CCDC186: variants seen among roughly 807,000 people sequenced by gnomAD.
CCDC186 encodes the protein coiled-coil domain-containing protein 186.
CCDC186 carries 49 observed loss-of-function variants against 113.7 expected under a neutral mutation model. That is an observed-to-expected ratio of 0.43 (90% CI 0.34 to 0.55). CCDC186 has a LOEUF of 0.55. Among genes scored for constraint, CCDC186 ranks in the 20% least tolerant of loss-of-function variants. The pLI is 0.02. For synonymous variants in CCDC186, 355 were observed against 345.8 expected (o/e 1.03, Z -0.30); for missense variants, 890 against 1,011.1 (o/e 0.88, Z 1.62).
rs1482764427 is a variant in CCDC186 at position 114,162,724 on chromosome 10, T to G, written c.545A>C (p.Asn182Thr). ...STEFAEHRVPNGMNKGEHALV... is the reference protein window; with the variant it reads ...STEFAEHRVPTGMNKGEHALV... Reference sequence around the variant, plus strand: ...TGCATGTTCTCCCTTATTCATTCCATTTGGTACTCGATGTTCTGCAAACTC... The same window carrying G: ...TGCATGTTCTCCCTTATTCATTCCAGTTGGTACTCGATGTTCTGCAAACTC... The change falls in exon 2 of 16, where the codon AAT becomes ACT. Residue 182 changes from asparagine to threonine, a missense_variant. Asn to Thr is a moderately conservative substitution (Grantham distance 65). Transcript: ENST00000369287. 6.2e-7 allele frequency: 1 copy of G among 1,613,782 alleles called. No individual in the cohort carries two copies. The highest frequency in any genetic ancestry group is 8.5e-7 in the Non-Finnish European group (1 of 1,179,902).
chr10:114,136,385 A>G lies in CCDC186; in HGVS notation c.1327-139T>C. On this transcript the variant is annotated intron_variant, in intron 7 of 15. Coordinates refer to ENST00000369287, the MANE Select transcript of CCDC186 (RefSeq NM_018017.4). ...GATAAGAGACAAGTTCTGTTTAGAA[A>G]TAACTCCAAGAACAGTTTTTTTATT... 3 of 592,716 alleles carry G rather than the reference A, an allele frequency of 5.1e-6. No homozygotes were observed. In the South Asian group the frequency reaches 7.2e-5, roughly 14 times the overall value. The allele number at this position is 592,716 out of a possible 1,614,324, so 36.7% of individuals were successfully genotyped here. A position where few individuals can be genotyped will look rare whatever the true frequency, so the allele number is the denominator to read the frequency against.
At position 114,163,158 on chromosome 10, in the gene CCDC186, T is replaced by C. The variant is rs2032230436; in HGVS notation, c.111A>G (p.Lys37=). ...ACAATAGTTTGGACTCATTTTCTAA[T>C]TTGCTGCTTTCATTGCCAGAAAACA... is the stretch of plus-strand genomic sequence containing the variant. ...CNLFSGNESS[K]LENESKLLSL... The change falls in exon 2 of 16, where the codon AAA becomes AAG. Residue 37 remains lysine (K), a synonymous_variant. Transcript: ENST00000369287. 1 of 1,613,924 alleles carries C rather than the reference T, an allele frequency of 6.2e-7. No homozygotes were observed. The highest frequency in any genetic ancestry group is 1.7e-5 in the Admixed American group (1 of 60,002).
chr10:114,157,823 AT>A, intron 2 of CCDC186, 143 bp from the exon 3 acceptor site: 1 of 661,890 alleles, frequency 1.5e-6, no homozygotes, highest in Non-Finnish European at 2.3e-6. Flanking sequence ...CTAAATAATC[AT>A]TTTATAGTGA....
In CCDC186 at chr10:114,153,200, G is replaced by C. The variant is rs546798821; in HGVS notation, c.760-1980C>G. On this transcript the variant is annotated intron_variant, in intron 3 of 15. Coordinates refer to ENST00000369287, the MANE Select transcript of CCDC186 (RefSeq NM_018017.4). The stretch of plus-strand genomic sequence containing the variant: ...GCACATGGAATATTCCATGACAGAG[G>C]ATATGCTAGGTTACAAACAAACTTC... Among the ~76,000 whole-genome samples, 9 of 152,194 alleles carry C rather than the reference G, an allele frequency of 5.9e-5. No homozygotes were observed. In the East Asian group the frequency reaches 1.3e-3, roughly 23 times the overall value.
chr10:114,134,801 G>C (rs1219731142), intron 10 of CCDC186, 112 bp downstream of exon 10: 1 of 1,119,190 alleles, frequency 8.9e-7, no homozygotes, highest in Non-Finnish European at 1.3e-6. Context: ...AAAAATTTCA[G>C]CTAGTAAAAT....
chr10:114,131,370 T>C, intron 11 of CCDC186, 34 bp from the exon 12 acceptor site: 1 of 1,500,566 alleles, frequency 6.7e-7, no homozygotes, highest in Non-Finnish European at 8.9e-7. Flanking sequence ...CCACCAATTT[T>C]AGTATGTTTG....
At chr10:114,164,693 G>A (rs2032284670) in intron 1 of CCDC186, among the ~76,000 whole-genome samples, 1 of 152,064 alleles carries the variant, frequency 6.6e-6, no homozygotes, top group African/African-American at 2.4e-5. Context: ...ATATACTAAT[G>A]GAAAATAGCT....
intron 1 of CCDC186, among the ~76,000 whole-genome samples, chr10:114,168,581 C>T (rs1030772045): frequency 1.3e-5 from 2 of 152,270 alleles, no homozygotes; most frequent in East Asian, 1.9e-4. Flanking sequence ...TAAACTGGCT[C>T]GACTGGTCTT....
chr10:114,135,393 A>G (rs758284784), intron 9 of CCDC186, among the ~76,000 whole-genome samples: 1 of 152,210 alleles, frequency 6.6e-6, no homozygotes, highest in Admixed American at 6.5e-5. Context: ...CAGGGTGGTT[A>G]AAGGACTACT....
chr10:114,138,040 A>AAAAAAAAAAAAAAAAAC (rs2031326801), intron 6 of CCDC186, among the ~76,000 whole-genome samples: 1 of 8,988 alleles, frequency 1.1e-4, no homozygotes, highest in Non-Finnish European at 4.4e-4. Context: ...TCGGTCTCAA[A>AAAAAAAAAAAAAAAAAC]AAAAAAAAAA....
Position 114,132,050 on chromosome 10 carries a change from C to T in CCDC186, c.1790G>A (p.Ser597Asn). The change falls in exon 11 of 16, where the codon AGT (serine) becomes AAT (asparagine). Residue 597 changes from serine to asparagine, a missense_variant. Physicochemically the swap from Ser to Asn is conservative, Grantham distance 46. Transcript: ENST00000369287. ...ELLLFTERLT[S>N]KNAQLQSESN... ...TTCAGACTGAAGCTGTGCATTCTTA[C>T]TAGTGAGCCTTTCTGTAAACAGCAG... 6.2e-7 allele frequency: 1 copy of T among 1,613,554 alleles called. No individual in the cohort carries two copies. Among genetic ancestry groups the T allele is most frequent in the Non-Finnish European group, 8.5e-7 (1 of 1,179,796 alleles).
intron 1 of CCDC186, among the ~76,000 whole-genome samples, chr10:114,164,102 G>GTGTGTGTA (rs1386565625): frequency 1.5e-4 from 15 of 101,128 alleles, no homozygotes; most frequent in South Asian, 1.1e-3. Flanking sequence ...GTGTGTGTGT[G>GTGTGTGTA]TATATATATA....
intron 2 of CCDC186, chr10:114,162,023 G>A (rs2032182493): frequency 6.6e-6 from 1 of 152,098 alleles, no homozygotes; most frequent in Admixed American, 6.6e-5. Flanking sequence ...AGGGACTGAG[G>A]GCAAGTGGAA....
At chr10:114,132,209 GA>G in intron 10 of CCDC186, 25 bp from the exon 11 acceptor site, 1 of 1,459,338 alleles carries the variant, frequency 6.9e-7, no homozygotes, top group Non-Finnish European at 9.2e-7. Flanking sequence ...TTATATTTAA[GA>G]AAAAATAAAC....
chr10:114,141,317 A>G (rs978074660), intron 6 of CCDC186, among the ~76,000 whole-genome samples: 1 of 152,174 alleles, frequency 6.6e-6, no homozygotes, highest in African/African-American at 2.4e-5. Flanking sequence ...TAGGTGCCAG[A>G]GTTCTTCGTA....
At chr10:114,140,070 C>A (rs550761356) in intron 6 of CCDC186, among the ~76,000 whole-genome samples, 2 of 152,230 alleles carry the variant, frequency 1.3e-5, no homozygotes, top group African/African-American at 4.8e-5. Context: ...GCTCCAGGGA[C>A]ATACTGTATA....
At chr10:114,160,860 A>T (rs534733433) in intron 2 of CCDC186, among the ~76,000 whole-genome samples, 1 of 152,242 alleles carries the variant, frequency 6.6e-6, no homozygotes, top group Non-Finnish European at 1.5e-5. Flanking sequence ...TAAAAACATC[A>T]TGTGTATAAC....
intron 4 of CCDC186, among the ~76,000 whole-genome samples, chr10:114,149,538 G>A (rs2119793236): frequency 8.9e-6 from 1 of 111,982 alleles, no homozygotes; most frequent in Admixed American, 9.4e-5. Context: ...GGAAGGAAAG[G>A]GAAGGGAAGG....
chr10:114,171,429 T>C (rs1458633153), intron 1 of CCDC186, among the ~76,000 whole-genome samples: 1 of 152,076 alleles, frequency 6.6e-6, no homozygotes, highest in African/African-American at 2.4e-5. Context: ...CCTGTGCCTG[T>C]TGTCCTAGCT....
Sources: gnomAD v4.1 joint callset for allele counts (sites outside exome capture counted in the v4.1 genomes callset) on GRCh38, gnomAD v4.1.1 for gene constraint, MANE v1.5 for transcripts, NCBI Gene and HGNC (gene_info 2026-07-23, HGNC 2026-07-21) for gene names.